ABCA7: variants seen among roughly 807,000 people sequenced by gnomAD.
ABCA7 encodes ATP binding cassette subfamily A member 7, also known as phospholipid-transporting ATPase ABCA7.
A neutral mutation model predicts 227.6 loss-of-function variants in ABCA7; 261 were observed. That is an observed-to-expected ratio of 1.15 (90% CI 1.04 to 1.27). ABCA7 has a LOEUF of 1.27. ABCA7 is among the 50% of genes most tolerant of loss of function. ABCA7 has a pLI of 0.00. For missense variants in ABCA7, 3,331 were observed against 2,924.5 expected, an observed-to-expected ratio of 1.14 and a Z score of -3.21; for synonymous variants, 1,488 against 1,279.7, an observed-to-expected ratio of 1.16 and a Z score of -3.47.
intron 6 of ABCA7, 29 bp from the exon 7 acceptor site, chr19:1,042,717 A>C: frequency 6.2e-7 from 1 of 1,609,444 alleles, no homozygotes; most frequent in Non-Finnish European, 8.5e-7. Flanking sequence ...GTTCAAAATC[A>C]TTGTCCCCCT....
rs1208793378 is a variant in ABCA7, at chr19:1,065,326, G to A, written c.6342G>A (p.Lys2114=). The A allele has an allele frequency of 6.2e-7, 1 of 1,613,670 alleles. No individual in the cohort carries two copies. The highest frequency in any genetic ancestry group is 8.5e-7 in the Non-Finnish European group (1 of 1,179,996). Residue 2114 remains lysine (K), a synonymous_variant, in exon 47 of 47, where the codon AAG becomes AAA. Transcript: ENST00000263094. ...AGGACGAGGACACCGAAGAGCAGAA[G>A]GAGGCAGGAGTGGGAGTGGACCCCG... ...QGKDEDTEEQ[K]EAGVGVDPAP...
In ABCA7 at chr19:1,043,455, C is replaced by A; in HGVS notation, c.912C>A (p.Thr304=). The A allele has an allele frequency of 1.2e-6, 2 of 1,613,298 alleles. No homozygotes were observed. The highest frequency in any genetic ancestry group is 2.2e-5 in the South Asian group (2 of 91,084). Residue 304 remains threonine (T), a synonymous_variant, in exon 9 of 47, where the codon ACC becomes ACA. Coordinates refer to ENST00000263094, the MANE Select transcript of ABCA7 (RefSeq NM_019112.4). ...KLLFAPDTPF[T]RKLMAQVNRT... ...TCTTTGCACCAGATACACCTTTTAC[C>A]CGGAAGCTCATGGCCCAGGTGGGGG...
At chr19:1,053,624 G>A in intron 24 of ABCA7, 93 bp downstream of exon 24, 5 of 1,520,318 alleles carry the variant, frequency 3.3e-6, no homozygotes, top group Admixed American at 3.8e-5. Flanking sequence ...TTTATGAGCA[G>A]CAAGGACATT....
Position 1,055,147 on chromosome 19 carries a change from G to T in ABCA7, c.4001G>T (p.Gly1334Val). 6.2e-7 allele frequency: 1 copy of T among 1,612,978 alleles called. No individual in the cohort carries two copies. Among genetic ancestry groups the T allele is most frequent in the Non-Finnish European group, 8.5e-7 (1 of 1,179,962 alleles). The change falls in exon 30 of 47, where the codon GGC (glycine) becomes GTC (valine). Residue 1334 changes from glycine (G) to valine (V), a missense_variant. By Grantham distance (109) the Gly-to-Val change is moderately radical. Coordinates refer to ENST00000263094, the MANE Select transcript of ABCA7 (RefSeq NM_019112.4). Reference protein sequence around the residue: ...PAEVAKVLASGNWTPESPSPA... With the variant: ...PAEVAKVLASVNWTPESPSPA... Reference sequence around the variant, plus strand: ...GAAGTGGCCAAGGTCTTGGCCAGTGGCAACTGGACCCCAGAGTCTCCATCC... The same window carrying T: ...GAAGTGGCCAAGGTCTTGGCCAGTGTCAACTGGACCCCAGAGTCTCCATCC...
chr19:1,041,586 C>T lies in ABCA7; in HGVS notation c.143C>T (p.Pro48Leu). 1 of 1,612,486 alleles carries T rather than the reference C, an allele frequency of 6.2e-7. No individual in the cohort carries two copies. Among genetic ancestry groups the T allele is most frequent in the Non-Finnish European group, 8.5e-7 (1 of 1,180,008 alleles). Residue 48 changes from proline to leucine, a missense_variant, in exon 3 of 47, where the codon CCC becomes CTC. Transcript: ENST00000263094. ...GTGGCTGTTCGCCACTCCCACCCGCCCCTGGAGCACCATGAATGTGAGCCC... is the reference window on the plus strand; with the variant it reads ...GTGGCTGTTCGCCACTCCCACCCGCTCCTGGAGCACCATGAATGTGAGCCC... Reference protein sequence around the residue: ...ILVAVRHSHPPLEHHECHFPN... With the variant: ...ILVAVRHSHPLLEHHECHFPN...
chr19:1,046,801 G>C lies in ABCA7; in HGVS notation c.1623-1G>C. The C allele has an allele frequency of 6.5e-7, 1 of 1,536,952 alleles. No individual in the cohort carries two copies. Among genetic ancestry groups the C allele is most frequent in the Non-Finnish European group, 8.7e-7 (1 of 1,146,694 alleles). ...CTCCACCCCAGCCGTCCCCACCCCA[G>C]GTTCCTGCGTGTGCTGAGCCGGTCG... On this transcript the variant is annotated splice_acceptor_variant, in intron 13 of 46. Coordinates refer to ENST00000263094, the MANE Select transcript of ABCA7 (RefSeq NM_019112.4). LOFTEE classifies it high-confidence loss of function.
chr19:1,063,742 A>C lies in ABCA7; in HGVS notation c.5848-18A>C. ...ACGGAGGCGGGGCCTTGCTTATGGG[A>C]TCTTCCGTGCTCCCCAGGACGAGCC... On this transcript the variant is annotated intron_variant, in intron 43 of 46. Coordinates refer to ENST00000263094, the MANE Select transcript of ABCA7 (RefSeq NM_019112.4). 1.3e-6 allele frequency: 2 copies of C among 1,548,536 alleles called. No individual in the cohort carries two copies. Among genetic ancestry groups the C allele is most frequent in the African/African-American group, 1.4e-5 (1 of 73,244 alleles).
In ABCA7 at chr19:1,056,200, T is replaced by C. The variant is rs767082140; in HGVS notation, c.4373T>C (p.Leu1458Pro). The change falls in exon 32 of 47, where the codon CTC becomes CCC. Residue 1458 changes from leucine (L) to proline (P), a missense_variant. Transcript: ENST00000263094. The surrounding 1 kb of genome is among the most constrained non-coding windows in gnomAD (Gnocchi z 4.3). ...GGALDRVLKNLTAWAHSLDAQ... is the reference protein window; with the variant it reads ...GGALDRVLKNPTAWAHSLDAQ... The stretch of plus-strand genomic sequence containing the variant: ...GCCCTCGACCGTGTCCTGAAAAACC[T>C]CACAGCCTGGGCTCACAGCCTGGAT... 3 of 1,604,700 alleles carry C rather than the reference T, an allele frequency of 1.9e-6. No individual in the cohort carries two copies. Among genetic ancestry groups the C allele is most frequent in the South Asian group, 1.1e-5 (1 of 90,484 alleles).
rs1021101046 is a variant in ABCA7 at position 1,047,001 on chromosome 19, G to A, written c.1822G>A (p.Ala608Thr). The change falls in exon 14 of 47, where the codon GCA becomes ACA. Residue 608 changes from alanine (A) to threonine (T), a missense_variant. By Grantham distance (58) the Ala-to-Thr change is moderately conservative. Transcript: ENST00000263094. ...CCTCGGGCCCTTCCTGCTCAGCGCCGCACTGCTGGTTCTGGTGCTCAAGGT... is the reference window on the plus strand; with the variant it reads ...CCTCGGGCCCTTCCTGCTCAGCGCCACACTGCTGGTTCTGGTGCTCAAGGT... ...SCLGPFLLSAALLVLVLKLGD... is the reference protein window; with the variant it reads ...SCLGPFLLSATLLVLVLKLGD... 3 of 1,574,304 alleles carry A rather than the reference G, an allele frequency of 1.9e-6. No individual in the cohort carries two copies. Among genetic ancestry groups the A allele is most frequent in the South Asian group, 1.2e-5 (1 of 86,610 alleles).
At position 1,048,275 on chromosome 19, in the gene ABCA7, G is replaced by A. The variant is rs574958338; in HGVS notation, c.2270-620G>A. 4.0e-3 allele frequency among the ~76,000 whole-genome samples: 581 copies of A among 147,082 alleles called. 3 individuals are homozygous for A. The highest frequency in any genetic ancestry group is 7.9e-3 in the Middle Eastern group (2 of 252). Reference sequence around the variant, plus strand: ...CACTTTGGGAGGCCGAGGCGGGCGGGTCATCTGAGGTCGGGATTTCGAGAC... The same window carrying A: ...CACTTTGGGAGGCCGAGGCGGGCGGATCATCTGAGGTCGGGATTTCGAGAC... On this transcript the variant is annotated intron_variant, in intron 16 of 46. Coordinates refer to ENST00000263094, the MANE Select transcript of ABCA7 (RefSeq NM_019112.4).
chr19:1,044,088 C>G (rs890628371), intron 10 of ABCA7, among the ~76,000 whole-genome samples: 2 of 151,218 alleles, frequency 1.3e-5, no homozygotes, highest in Admixed American at 6.6e-5. Flanking sequence ...AGGCGCCCAC[C>G]ACCACGCCCG....
chr19:1,049,155 T>A, intron 17 of ABCA7, 111 bp from the exon 18 acceptor site: 1 of 1,334,864 alleles, frequency 7.5e-7, no homozygotes, highest in Non-Finnish European at 1.0e-6. Context: ...CTCCCGCAGC[T>A]TTTATAGGCC....
chr19:1,042,746 GA>G lies in ABCA7; in HGVS notation c.501del (p.Glu167AspfsTer80), dbSNP rs1568227118. ...TCCCCCTTGTGGTCTTTCTCCCCAG[GA>G]ATCCCTGGGGTTGGCACTGGGCCAA... ...AELLTSLLRT[E>X]SLGLALGQAQ... is the part of the protein sequence containing the mutation. On this transcript the variant is annotated frameshift_variant and splice_region_variant, in exon 7 of 47. Coordinates refer to ENST00000263094, the MANE Select transcript of ABCA7 (RefSeq NM_019112.4). LOFTEE classifies it high-confidence loss of function. The G allele has an allele frequency of 6.2e-7, 1 of 1,613,478 alleles. No homozygotes were observed. Among genetic ancestry groups the G allele is most frequent in the Non-Finnish European group, 8.5e-7 (1 of 1,179,976 alleles).
In ABCA7 at chr19:1,046,277, ACGTGTGGGGCGGCTT is replaced by A. The variant is rs1220390585; in HGVS notation, c.1499_1513del (p.Trp500_Val504del). On this transcript the variant is annotated inframe_deletion, in exon 13 of 47. Coordinates refer to ENST00000263094, the MANE Select transcript of ABCA7 (RefSeq NM_019112.4). ...GCGGACCCCCTGACCGACCTGCGCT[ACGTGTGGGGCGGCTT>A]CGTGTACCTGCAAGACCTGGTGGAG... The A allele has an allele frequency of 1.6e-5, 25 of 1,606,666 alleles. No individual in the cohort carries two copies. Among genetic ancestry groups the A allele is most frequent in the Non-Finnish European group, 1.9e-5 (23 of 1,179,762 alleles).
chr19:1,063,132 C>CCCA, intron 42 of ABCA7, among the ~76,000 whole-genome samples: 1 of 135,362 alleles, frequency 7.4e-6, no homozygotes, highest in South Asian at 2.6e-4. Flanking sequence ...GCTGGCTCCA[C>CCCA]CAGTGTGGCC....
Position 1,044,542 on chromosome 19 carries a change from C to T in ABCA7, c.1048-35C>T, listed in dbSNP as rs370572253. The T allele has an allele frequency of 6.5e-5, 103 of 1,594,352 alleles. 3 individuals carry two copies. In the Admixed American group the frequency reaches 1.7e-3, roughly 26 times the overall value. On this transcript the variant is annotated intron_variant, in intron 10 of 46. Transcript: ENST00000263094. ...GATTACAGGCATGAGCCACTGTGCC[C>T]GACCCAGACTCTCACTTTCACCTGC...
intron 23 of ABCA7, 76 bp downstream of exon 23, chr19:1,052,362 G>T: frequency 8.5e-7 from 1 of 1,173,362 alleles, no homozygotes; most frequent in Non-Finnish European, 1.2e-6. Flanking sequence ...GGAGGAGGGG[G>T]AGGGGGAAGA....
rs933439670 is a variant in ABCA7 at position 1,043,102 on chromosome 19, G to A, written c.641G>A (p.Ser214Asn). The change falls in exon 8 of 47, where the codon AGC becomes AAC. Residue 214 changes from serine to asparagine, a missense_variant. By Grantham distance (46) the Ser-to-Asn change is conservative (BLOSUM62 1). Transcript: ENST00000263094. ...CTGCTGCAGAGACCCCGAGGGACCA[G>A]CGGCCCCCTGGAGTTGCTGTCAGAG... ...RALLQRPRGT[S>N]GPLELLSEAL... 1 of 1,612,382 alleles carries A rather than the reference G, an allele frequency of 6.2e-7. No individual in the cohort carries two copies. The highest frequency in any genetic ancestry group is 1.3e-5 in the African/African-American group (1 of 74,934).
At position 1,043,265 on chromosome 19, in the gene ABCA7, C is replaced by A; in HGVS notation, c.790+14C>A. On this transcript the variant is annotated intron_variant, in intron 8 of 46. Transcript: ENST00000263094. The stretch of plus-strand genomic sequence containing the variant: ...ACAGCAGCCTGAGTGAGTGACTGAC[C>A]TCGGTTTCCCCTCTTGGGAAGTGGA... 1 of 1,608,624 alleles carries A rather than the reference C, an allele frequency of 6.2e-7. No individual in the cohort carries two copies. Among genetic ancestry groups the A allele is most frequent in the Non-Finnish European group, 8.5e-7 (1 of 1,176,428 alleles).
Sources: gnomAD v4.1 joint callset for allele counts (sites outside exome capture counted in the v4.1 genomes callset) on GRCh38, gnomAD v4.1.1 for gene constraint, Gnocchi (gnomAD v3.1) non-coding constraint, MANE v1.5 for transcripts, NCBI Gene and HGNC (gene_info 2026-07-23, HGNC 2026-07-21) for gene names.